The following UBE2F variants were observed in gnomAD, a reference collection of about 807,000 sequenced individuals.
UBE2F encodes ubiquitin conjugating enzyme E2 F (putative), also known as NEDD8-conjugating enzyme UBE2F.
In UBE2F, 5 loss-of-function variants were observed where a neutral mutation model predicts 29.6. That is an observed-to-expected ratio of 0.17 (90% confidence interval 0.09 to 0.36). The LOEUF (loss-of-function observed/expected upper bound fraction) is 0.36, where lower values mean the gene tolerates loss of function less well. UBE2F is among the 10% of genes least tolerant of loss of function. The pLI is 1.00. For synonymous variants in UBE2F, 66 were observed against 81.8 expected, an observed-to-expected ratio of 0.81 and a Z score of 1.04; for missense variants, 141 against 228.5, an observed-to-expected ratio of 0.62 and a Z score of 2.47.
chr2:238,019,716 A>G (rs937151375), intron 5 of UBE2F, among the ~76,000 whole-genome samples: 4 of 137,310 alleles, frequency 2.9e-5, no homozygotes, highest in African/African-American at 1.1e-4. Context: ...CTGGAGTGCA[A>G]TGGCATGATC....
intron 6 of UBE2F, among the ~76,000 whole-genome samples, chr2:238,028,694 C>T (rs1050069782): frequency 2.6e-5 from 4 of 152,108 alleles, no homozygotes; most frequent in Admixed American, 2.6e-4. Flanking sequence ...TTTTTAACTG[C>T]TCTTCACAGA....
At chr2:237,980,405 C>T (rs2106332959) in intron 2 of UBE2F, among the ~76,000 whole-genome samples, 1 of 152,344 alleles carries the variant, frequency 6.6e-6, no homozygotes, top group East Asian at 1.9e-4. Context: ...TGCAGATGGC[C>T]TCTTCCTGGC....
At chr2:238,012,582 C>T (rs2064061951) in intron 4 of UBE2F, among the ~76,000 whole-genome samples, 1 of 152,196 alleles carries the variant, frequency 6.6e-6, no homozygotes, top group African/African-American at 2.4e-5. Context: ...GCTCCAGATT[C>T]AGCCCATTCA....
chr2:238,018,655 T>C, intron 5 of UBE2F, among the ~76,000 whole-genome samples: 1 of 152,132 alleles, frequency 6.6e-6, no homozygotes, highest in East Asian at 1.9e-4. Context: ...AACCACCAGC[T>C]CCCGGGTTCA....
At chr2:237,974,243 C>T (rs571298284) in intron 2 of UBE2F, among the ~76,000 whole-genome samples, 5 of 151,630 alleles carry the variant, frequency 3.3e-5, no homozygotes, top group Non-Finnish European at 7.4e-5. Flanking sequence ...TCACAACCTC[C>T]GCCTCCCAGG....
At chr2:238,020,952 G>C (rs562000471) in intron 5 of UBE2F, among the ~76,000 whole-genome samples, 1 of 152,310 alleles carries the variant, frequency 6.6e-6, no homozygotes, top group African/African-American at 2.4e-5. Context: ...CTATTCCTCA[G>C]GCTGGTGGGG....
chr2:237,968,407 A>G (rs1264938659), intron 1 of UBE2F, among the ~76,000 whole-genome samples: 1 of 152,188 alleles, frequency 6.6e-6, no homozygotes, highest in Non-Finnish European at 1.5e-5. Flanking sequence ...GGGCACTGGC[A>G]TTCTGTAGAA....
At chr2:238,011,408 G>T (rs2064025411) in intron 4 of UBE2F, among the ~76,000 whole-genome samples, 2 of 152,130 alleles carry the variant, frequency 1.3e-5, no homozygotes, top group African/African-American at 4.8e-5. Flanking sequence ...TAAAACTGCA[G>T]CCTCTTCCCA....
intron 5 of UBE2F, among the ~76,000 whole-genome samples, chr2:238,019,319 G>A (rs986371369): frequency 6.6e-6 from 1 of 152,084 alleles, no homozygotes; most frequent in Non-Finnish European, 1.5e-5. Context: ...CATGAACCAT[G>A]TTCCTACCCT....
chr2:237,989,435 C>T (rs1421879048), intron 3 of UBE2F, among the ~76,000 whole-genome samples: 1 of 151,522 alleles, frequency 6.6e-6, no homozygotes. Flanking sequence ...TCACTGCAAC[C>T]TCTGCCTCCT....
chr2:237,987,384 G>T (rs1576599061), intron 2 of UBE2F, among the ~76,000 whole-genome samples: 1 of 152,112 alleles, frequency 6.6e-6, no homozygotes, highest in Non-Finnish European at 1.5e-5. Context: ...TGATTGCTCT[G>T]GTTTAGACTT....
intron 2 of UBE2F, among the ~76,000 whole-genome samples, chr2:237,981,484 T>A (rs554216507): frequency 4.7e-4 from 71 of 152,164 alleles, no homozygotes; most frequent in Non-Finnish European, 8.5e-4. Context: ...CAGAAGCCTG[T>A]GGGGACTGTG....
intron 2 of UBE2F, among the ~76,000 whole-genome samples, chr2:237,987,586 TG>T (rs1335094249): frequency 1.3e-5 from 2 of 152,140 alleles, no homozygotes; most frequent in Non-Finnish European, 2.9e-5. Context: ...AAGATAGCAC[TG>T]GGAACAGACA....
At chr2:238,020,871 A>G (rs2064274993) in intron 5 of UBE2F, among the ~76,000 whole-genome samples, 1 of 152,234 alleles carries the variant, frequency 6.6e-6, no homozygotes, top group Non-Finnish European at 1.5e-5. Flanking sequence ...TGGCCTTTTA[A>G]GAATTTCAGT....
chr2:237,976,238 G>A (rs989252373), intron 2 of UBE2F, among the ~76,000 whole-genome samples: 2 of 152,218 alleles, frequency 1.3e-5, no homozygotes, highest in African/African-American at 2.4e-5. Flanking sequence ...GTGTGTTGTT[G>A]CTGTACTTGG....
chr2:238,018,107 G>A (rs2064204034), intron 5 of UBE2F, among the ~76,000 whole-genome samples: 1 of 152,140 alleles, frequency 6.6e-6, no homozygotes, highest in Admixed American at 6.6e-5. Flanking sequence ...TCCACCACCT[G>A]CTGAGACTTT....
rs57914670 is a variant in UBE2F at position 237,972,541 on chromosome 2, A to AT, written c.-16-524dup. Among the ~76,000 whole-genome samples the AT allele has an allele frequency of 2.1e-3, 263 of 124,220 alleles. 1 individual carries two copies. Among genetic ancestry groups the AT allele is most frequent in the Middle Eastern group, 4.3e-3 (1 of 234 alleles). The allele number at this position is 124,220 out of a possible 152,430, so 81.5% of individuals were successfully genotyped here. A position where few individuals can be genotyped will look rare whatever the true frequency, so the allele number is the denominator to read the frequency against. On this transcript the variant is annotated intron_variant, in intron 1 of 9. Transcript: ENST00000272930. ...AATGCATGACTCTTTTTAATTTTAAATTTTTTTTTTTTTTTTTTTTTTTTT... is the reference window on the plus strand; with the variant it reads ...AATGCATGACTCTTTTTAATTTTAAATTTTTTTTTTTTTTTTTTTTTTTTTT...
chr2:238,026,964 C>A (rs1576635364), intron 6 of UBE2F, among the ~76,000 whole-genome samples: 1 of 152,324 alleles, frequency 6.6e-6, no homozygotes, highest in East Asian at 1.9e-4. Context: ...TTGGCCCAGG[C>A]CCCCACTGCC....
At chr2:238,026,496 C>T (rs553859252) in intron 6 of UBE2F, among the ~76,000 whole-genome samples, 1 of 152,138 alleles carries the variant, frequency 6.6e-6, no homozygotes, top group East Asian at 1.9e-4. Context: ...TGCAGTGGCG[C>T]GATCTGAGCT....
Sources: allele counts gnomAD v4.1 joint callset (sites outside exome capture counted in the v4.1 genomes callset), GRCh38; gene constraint gnomAD v4.1.1; transcripts MANE v1.5; gene names NCBI Gene and HGNC (gene_info 2026-07-23, HGNC 2026-07-21).